The following COL18A1 variants were observed in gnomAD, a reference collection of about 807,000 sequenced individuals.
The protein encoded by COL18A1 is collagen type XVIII alpha 1 chain, also known as collagen alpha-1(XVIII) chain.
In COL18A1, 133 loss-of-function variants were observed where a neutral mutation model predicts 168.0. The ratio of observed to expected loss-of-function variants is 0.79; its 90% CI spans 0.69 to 0.91. The LOEUF (loss-of-function observed/expected upper bound fraction) is 0.91. COL18A1 is among the 40% of genes least tolerant of loss of function. The pLI, the probability that COL18A1 is intolerant of heterozygous loss-of-function variation, is 0.00. For synonymous variants in COL18A1, 949 were observed against 809.0 expected, an observed-to-expected ratio of 1.17 and a Z score of -2.94; for missense variants, 2,126 against 1,925.4, an observed-to-expected ratio of 1.10 and a Z score of -1.95.
chr21:45,486,146 C>T (rs1159676448), intron 15 of COL18A1, among the ~76,000 whole-genome samples: 4 of 152,212 alleles, frequency 2.6e-5, no homozygotes, highest in East Asian at 3.9e-4. Context: ...TCCGGGCTCG[C>T]CTGCTTCTCA....
chr21:45,505,247 G>T lies in COL18A1; in HGVS notation c.2982G>T (p.Gly994=), dbSNP rs367651350. The T allele has an allele frequency of 1.3e-6, 2 of 1,574,158 alleles. No individual in the cohort carries two copies. Among genetic ancestry groups the T allele is most frequent in the Admixed American group, 1.7e-5 (1 of 59,160 alleles). The part of the protein sequence containing the change: ...QGPPGPPGPP[G]PPSFPGPHRQ... ...CTCCCGGCCCCCCAGGCCCCCCAGGGCCCCCTTCATTTCCTGGCCCTCACA... is the reference window on the plus strand; with the variant it reads ...CTCCCGGCCCCCCAGGCCCCCCAGGTCCCCCTTCATTTCCTGGCCCTCACA... The change falls in exon 35 of 42, where the codon GGG becomes GGT. Residue 994 remains glycine, a synonymous_variant. Transcript: ENST00000651438.
At chr21:45,469,905 T>TC (rs1881388291) in intron 3 of COL18A1, among the ~76,000 whole-genome samples, 1 of 152,226 alleles carries the variant, frequency 6.6e-6, no homozygotes, top group Admixed American at 6.5e-5. Context: ...AAACTGGGCC[T>TC]CTTTGTTTTC....
chr21:45,500,390 G>A (rs1243587809), intron 32 of COL18A1, among the ~76,000 whole-genome samples: 1 of 127,214 alleles, frequency 7.9e-6, no homozygotes, highest in Non-Finnish European at 1.6e-5. Flanking sequence ...GGTGTGTGGA[G>A]TGTGTGTATG....
At chr21:45,461,577 C>T (rs1367387778) in intron 2 of COL18A1, among the ~76,000 whole-genome samples, 1 of 151,844 alleles carries the variant, frequency 6.6e-6, no homozygotes, top group African/African-American at 2.4e-5. Context: ...CAGTCTGGAG[C>T]CAGGCTGCTG....
intron 2 of COL18A1, among the ~76,000 whole-genome samples, chr21:45,436,383 A>G (rs1003821470): frequency 6.6e-6 from 1 of 152,178 alleles, no homozygotes; most frequent in African/African-American, 2.4e-5. Flanking sequence ...GGCAGGGACG[A>G]GGGACTGTGC....
chr21:45,410,222 TG>T (rs1355331340), intron 2 of COL18A1, among the ~76,000 whole-genome samples: 1 of 151,950 alleles, frequency 6.6e-6, no homozygotes, highest in Non-Finnish European at 1.5e-5. Flanking sequence ...TGGCATTTCA[TG>T]GTGGCAGATG....
chr21:45,441,167 G>T (rs552063478), intron 2 of COL18A1, among the ~76,000 whole-genome samples: 3 of 152,334 alleles, frequency 2.0e-5, no homozygotes, highest in South Asian at 4.1e-4. Context: ...CAGACCTGGG[G>T]TCTTGCAGGT....
intron 2 of COL18A1, among the ~76,000 whole-genome samples, chr21:45,466,730 GGTGTAGC>G (rs1568890858): frequency 1.3e-5 from 2 of 152,144 alleles, no homozygotes; most frequent in African/African-American, 4.8e-5. Context: ...TGGGGCCGCC[GGTGTAGC>G]GTGCTGGTAC....
intron 2 of COL18A1, among the ~76,000 whole-genome samples, chr21:45,429,932 C>T (rs2145780303): frequency 6.7e-6 from 1 of 150,354 alleles, no homozygotes; most frequent in Non-Finnish European, 1.5e-5. Flanking sequence ...TCCCTCGCGC[C>T]CTCTCATTGG....
Position 45,468,786 on chromosome 21 carries a change from G to C in COL18A1, c.651G>C (p.Gln217His), listed in dbSNP as rs1234176678. The change falls in exon 3 of 42, where the codon CAG (glutamine) becomes CAC (histidine). Residue 217 changes from glutamine (Q) to histidine (H), a missense_variant and splice_region_variant. Physicochemically the swap from Gln to His is conservative, Grantham distance 24. Coordinates refer to ENST00000651438, the MANE Select transcript of COL18A1 (RefSeq NM_001379500.1). ...GGGGAGCGGACCCTGACAAGTTCCA[G>C]GTAACCCCCACTGTGCCGTCGCTGG... The part of the protein sequence containing the change: ...QAGGADPDKF[Q>H]GVIAELKVRR... 1 of 1,592,702 alleles carries C rather than the reference G, an allele frequency of 6.3e-7. No individual in the cohort carries two copies. The highest frequency in any genetic ancestry group is 1.7e-5 in the Admixed American group (1 of 58,900).
At chr21:45,409,982 G>A (rs8128168) in intron 2 of COL18A1, 25,409 of 152,138 alleles carry the variant, frequency 0.17, 2,917 homozygotes, top group East Asian at 0.51. Flanking sequence ...TGGCGAGTTT[G>A]GGCCTCTGCA....
At chr21:45,453,316 T>C (rs1438830040) in intron 2 of COL18A1, among the ~76,000 whole-genome samples, 2 of 151,970 alleles carry the variant, frequency 1.3e-5, no homozygotes, top group Non-Finnish European at 2.9e-5. Flanking sequence ...AGTATTCACA[T>C]GTGACATATA....
chr21:45,435,509 C>T (rs1238810996), intron 2 of COL18A1, among the ~76,000 whole-genome samples: 3 of 152,166 alleles, frequency 2.0e-5, no homozygotes, highest in African/African-American at 4.8e-5. Flanking sequence ...TTCTTAGTGA[C>T]CCTGGGGGCT....
intron 37 of COL18A1, chr21:45,507,127 AGGGAGGGCACCCTCCTGTGGGCT>A (rs2037256099): frequency 1.2e-5 from 2 of 171,612 alleles, no homozygotes; most frequent in Non-Finnish European, 2.2e-5. Flanking sequence ...GGTGCTGGGC[AGGGAGGGCACCCTCCTGTGGGCT>A]GGGAGGGCCG....
In COL18A1 at chr21:45,418,682, A is replaced by C. The variant is rs60866233; in HGVS notation, c.106+13209A>C. The stretch of plus-strand genomic sequence containing the variant: ...CACATCTCTTCCTGGGGTCTCAGGG[A>C]AGCGGCACCTCCTCAGGGGCCTCCC... On this transcript the variant is annotated intron_variant, in intron 2 of 41. Transcript: ENST00000651438. Among the ~76,000 whole-genome samples, 244 of 124,764 alleles carry C rather than the reference A, an allele frequency of 2.0e-3. 2 individuals carry two copies. Among genetic ancestry groups the C allele is most frequent in the African/African-American group, 7.5e-3 (190 of 25,432 alleles). 81.9% of individuals were successfully genotyped at this position (124,764 alleles called of 152,430 possible). A position where few individuals can be genotyped will look rare whatever the true frequency, so the allele number is the denominator to read the frequency against.
chr21:45,454,764 G>A (rs1360260809), intron 2 of COL18A1, among the ~76,000 whole-genome samples: 3 of 152,372 alleles, frequency 2.0e-5, no homozygotes, highest in South Asian at 2.1e-4. Flanking sequence ...GTGGGTTACC[G>A]GCTGCCTGGA....
At chr21:45,449,086 C>T (rs965163608) in intron 2 of COL18A1, among the ~76,000 whole-genome samples, 4 of 152,150 alleles carry the variant, frequency 2.6e-5, no homozygotes, top group Non-Finnish European at 4.4e-5. Context: ...TTCCCTGCGG[C>T]GCTTTGATCC....
At chr21:45,467,499 A>C in intron 2 of COL18A1, 1 of 939,296 alleles carries the variant, frequency 1.1e-6, no homozygotes, top group East Asian at 1.2e-4. Flanking sequence ...GGGGAGATAC[A>C]GCTTGTCCTT....
chr21:45,438,887 C>T (rs1264986062), intron 2 of COL18A1, among the ~76,000 whole-genome samples: 2 of 152,176 alleles, frequency 1.3e-5, no homozygotes, highest in Admixed American at 6.5e-5. Flanking sequence ...TTCCAGATGG[C>T]GACCCGGGGC....
Sources: gnomAD v4.1 joint callset for allele counts (sites outside exome capture counted in the v4.1 genomes callset) on GRCh38, gnomAD v4.1.1 for gene constraint, MANE v1.5 for transcripts, NCBI Gene and HGNC (gene_info 2026-07-23, HGNC 2026-07-21) for gene names.